Variants in HECW2 observed in about 807,000 individuals in gnomAD.
HECW2 encodes HECT, C2 and WW domain containing E3 ubiquitin protein ligase 2, also known as E3 ubiquitin-protein ligase HECW2.
Under a neutral mutation model 175.2 loss-of-function variants are expected in HECW2, and 61 were observed. That is an observed-to-expected ratio of 0.35 (90% CI 0.28 to 0.43). HECW2 has a LOEUF of 0.43. Among genes scored for constraint, HECW2 ranks in the 20% least tolerant of loss-of-function variants. The probability of loss-of-function intolerance (pLI) is 1.00; values close to 1 mark genes in which losing one functional copy is unlikely to be tolerated. For synonymous variants in HECW2, 671 were observed against 731.0 expected (o/e 0.92, Z 1.32); for missense variants, 1,524 against 2,000.5 (o/e 0.76, Z 4.54).
chr2:196,390,311 G>T (rs1219455529), intron 2 of HECW2, among the ~76,000 whole-genome samples: 1 of 152,134 alleles, frequency 6.6e-6, no homozygotes, highest in Non-Finnish European at 1.5e-5. Flanking sequence ...CTGGTTTAAA[G>T]ATCGGAGAAC....
At chr2:196,515,839 C>T (rs956410666) in intron 1 of HECW2, among the ~76,000 whole-genome samples, 1 of 151,922 alleles carries the variant, frequency 6.6e-6, no homozygotes, top group Admixed American at 6.6e-5. Context: ...AAAACAAAAC[C>T]TAGGCCAGGT....
chr2:196,319,268 A>G lies in HECW2; in HGVS notation c.1622T>C (p.Leu541Ser), dbSNP rs897996179. 5.0e-6 allele frequency: 8 copies of G among 1,607,440 alleles called. No individual in the cohort carries two copies. Among genetic ancestry groups the G allele is most frequent in the Non-Finnish European group, 6.8e-6 (8 of 1,177,122 alleles). Residue 541 changes from leucine to serine, a missense_variant, in exon 9 of 29, where the codon TTA (leucine) becomes TCA (serine). By Grantham distance (145) the Leu-to-Ser change is moderately radical. Coordinates refer to ENST00000644978, the MANE Select transcript of HECW2 (RefSeq NM_001348768.2). ...ENLPELAESS[L>S]PAGPAPEEGE... The stretch of plus-strand genomic sequence containing the variant: ...TTCCTCTGGGGCTGGGCCTGCAGGT[A>G]AGGAGCTCTCTGCAAGCTCTGGAAG...
intron 2 of HECW2, among the ~76,000 whole-genome samples, chr2:196,369,698 G>A (rs1439787445): frequency 6.6e-6 from 1 of 152,120 alleles, no homozygotes; most frequent in Non-Finnish European, 1.5e-5. Flanking sequence ...TATACTTGAT[G>A]TTCTATTCCA....
intron 1 of HECW2, among the ~76,000 whole-genome samples, chr2:196,439,752 A>G (rs1010141963): frequency 6.6e-6 from 1 of 152,114 alleles, no homozygotes; most frequent in Admixed American, 6.6e-5. Context: ...TTGAGAAGAG[A>G]GGCAAAAATA....
chr2:196,258,059 G>A (rs569398753), intron 17 of HECW2, 153 bp from the exon 18 acceptor site: 1 of 579,198 alleles, frequency 1.7e-6, no homozygotes, highest in Non-Finnish European at 3.1e-6. Flanking sequence ...ACATCCAAGA[G>A]AGACATGGTC....
At position 196,316,832 on chromosome 2, in the gene HECW2, A is replaced by G. The variant is rs73045953; in HGVS notation, c.2434+442T>C. On this transcript the variant is annotated intron_variant, in intron 10 of 28. Coordinates refer to ENST00000644978, the MANE Select transcript of HECW2 (RefSeq NM_001348768.2). ...ACAATACTTCTCGCATATCCCTAAG[A>G]AAAAAAATCAGAACCTTGTGCTTAA... is the stretch of plus-strand genomic sequence containing the variant. The G allele has an allele frequency of 5.4e-3, 832 of 154,522 alleles. 5 individuals are homozygous for G. Among genetic ancestry groups the G allele is most frequent in the African/African-American group, 0.019 (782 of 41,592 alleles). 9.6% of individuals were successfully genotyped at this position (154,522 alleles called of 1,614,324 possible). A position where few individuals can be genotyped will look rare whatever the true frequency, so the allele number is the denominator to read the frequency against.
At chr2:196,563,049 G>A (rs1690060553) in intron 1 of HECW2, among the ~76,000 whole-genome samples, 1 of 151,914 alleles carries the variant, frequency 6.6e-6, no homozygotes, top group South Asian at 2.1e-4. Context: ...TTAGAGAAAA[G>A]TACTAGCTTT....
chr2:196,526,830 C>T (rs1300828267), intron 1 of HECW2, among the ~76,000 whole-genome samples: 1 of 152,088 alleles, frequency 6.6e-6, no homozygotes, highest in Non-Finnish European at 1.5e-5. Flanking sequence ...AGGCAGTCTG[C>T]CAGTTCTCAG....
intron 1 of HECW2, among the ~76,000 whole-genome samples, chr2:196,531,489 C>G (rs2125452140): frequency 6.6e-6 from 1 of 152,136 alleles, no homozygotes; most frequent in East Asian, 1.9e-4. Context: ...AACCCCGTCT[C>G]TAATAAAAAT....
intron 1 of HECW2, among the ~76,000 whole-genome samples, chr2:196,529,012 C>T (rs921364080): frequency 6.6e-6 from 1 of 152,246 alleles, no homozygotes; most frequent in Non-Finnish European, 1.5e-5. Context: ...CTTGCCATGA[C>T]TCTCTCATCA....
At position 196,245,946 on chromosome 2, in the gene HECW2, G is replaced by T. The variant is rs1053628966; in HGVS notation, c.3530-3742C>A. 3.3e-5 allele frequency among the ~76,000 whole-genome samples: 5 copies of T among 152,304 alleles called. No homozygotes were observed. The East Asian group carries it at 5.8e-4, about 18-fold the overall frequency. On this transcript the variant is annotated intron_variant, in intron 19 of 28. Coordinates refer to ENST00000644978, the MANE Select transcript of HECW2 (RefSeq NM_001348768.2). ...CAAAATGTGTAAAGACCCAGAATGTGGGGTGGGACCCAGGCATGAGTGTTA... is the reference window on the plus strand; with the variant it reads ...CAAAATGTGTAAAGACCCAGAATGTTGGGTGGGACCCAGGCATGAGTGTTA...
intron 1 of HECW2, among the ~76,000 whole-genome samples, chr2:196,465,336 G>C (rs998133501): frequency 2.0e-5 from 3 of 152,098 alleles, no homozygotes; most frequent in South Asian, 2.1e-4. Flanking sequence ...TTTATTAAAG[G>C]CAACAGAATT....
chr2:196,558,768 A>G (rs909066656), intron 1 of HECW2, among the ~76,000 whole-genome samples: 1 of 152,266 alleles, frequency 6.6e-6, no homozygotes, highest in Non-Finnish European at 1.5e-5. Flanking sequence ...CACAGCAGCA[A>G]TAACAGAAGA....
chr2:196,367,524 G>A (rs986965413), intron 2 of HECW2, among the ~76,000 whole-genome samples: 1 of 152,094 alleles, frequency 6.6e-6, no homozygotes, highest in African/African-American at 2.4e-5. Context: ...ACTTTTAAAT[G>A]TACAATAAAT....
chr2:196,490,337 G>A (rs555785470), intron 1 of HECW2, among the ~76,000 whole-genome samples: 15 of 151,962 alleles, frequency 9.9e-5, no homozygotes, highest in East Asian at 1.9e-4. Flanking sequence ...CATCTTTCTC[G>A]TGAAATCAGC....
At chr2:196,276,846 T>C (rs1324725493) in intron 15 of HECW2, among the ~76,000 whole-genome samples, 1 of 152,234 alleles carries the variant, frequency 6.6e-6, no homozygotes, top group Non-Finnish European at 1.5e-5. Context: ...GGAGCAAGTA[T>C]ATAAATCACG....
chr2:196,279,503 AGT>A (rs1268142824), intron 14 of HECW2, among the ~76,000 whole-genome samples: 1 of 152,116 alleles, frequency 6.6e-6, no homozygotes, highest in East Asian at 1.9e-4. Context: ...TATGTGTGTA[AGT>A]GCTGGTGGCT....
intron 18 of HECW2, among the ~76,000 whole-genome samples, chr2:196,256,102 T>C (rs890914440): frequency 6.6e-6 from 1 of 152,108 alleles, no homozygotes; most frequent in South Asian, 2.1e-4. Flanking sequence ...ATTGAGGACA[T>C]GAATAAAACC....
intron 1 of HECW2, among the ~76,000 whole-genome samples, chr2:196,527,366 C>T (rs1484933554): frequency 5.9e-5 from 9 of 152,258 alleles, no homozygotes; most frequent in African/African-American, 2.2e-4. Context: ...CACTGGCCTG[C>T]GCCCACTGTC....
Sources: gnomAD v4.1 joint callset for allele counts (sites outside exome capture counted in the v4.1 genomes callset) on GRCh38, gnomAD v4.1.1 for gene constraint, MANE v1.5 for transcripts, NCBI Gene and HGNC (gene_info 2026-07-23, HGNC 2026-07-21) for gene names.